Variants in NXPH1 observed in about 807,000 individuals in gnomAD.
NXPH1 encodes the protein neurexophilin 1, also known as neurexophilin-1.
A neutral mutation model predicts 23.7 loss-of-function variants in NXPH1; 5 were observed. The ratio of observed to expected loss-of-function variants is 0.21; its 90% CI spans 0.11 to 0.44. NXPH1 has a LOEUF of 0.44. Among genes scored for constraint, NXPH1 ranks in the 20% least tolerant of loss-of-function variants. NXPH1 has a pLI of 0.99. For synonymous variants in NXPH1, 144 were observed against 122.2 expected, an observed-to-expected ratio of 1.18 and a Z score of -1.18; for missense variants, 324 against 321.6, an observed-to-expected ratio of 1.01 and a Z score of -0.06.
intron 2 of NXPH1, among the ~76,000 whole-genome samples, chr7:8,437,889 C>T (rs1170470311): frequency 1.3e-5 from 2 of 152,196 alleles, no homozygotes; most frequent in Non-Finnish European, 2.9e-5. Context: ...CAAAACAATA[C>T]GAAATGTGAA....
intron 2 of NXPH1, among the ~76,000 whole-genome samples, chr7:8,654,095 C>A (rs546889350): frequency 1.3e-5 from 2 of 152,180 alleles, no homozygotes; most frequent in African/African-American, 2.4e-5. Context: ...AAATCTAAGA[C>A]TTCCATAACC....
At chr7:8,708,232 C>T (rs111331932) in intron 2 of NXPH1, among the ~76,000 whole-genome samples, 1 of 152,142 alleles carries the variant, frequency 6.6e-6, no homozygotes, top group Admixed American at 6.5e-5. Context: ...ATTCATTCAA[C>T]TGACATGAAG....
intron 2 of NXPH1, among the ~76,000 whole-genome samples, chr7:8,662,336 G>A (rs921922509): frequency 2.0e-5 from 3 of 151,940 alleles, no homozygotes; most frequent in African/African-American, 7.2e-5. Context: ...ATTCCCATAA[G>A]TAAGAAAAGT....
chr7:8,709,820 G>T (rs2115195513), intron 2 of NXPH1, among the ~76,000 whole-genome samples: 1 of 152,222 alleles, frequency 6.6e-6, no homozygotes, highest in African/African-American at 2.4e-5. Flanking sequence ...CATCAAATTT[G>T]TACTGTTAAA....
intron 2 of NXPH1, among the ~76,000 whole-genome samples, chr7:8,593,561 G>A (rs1819150291): frequency 6.6e-6 from 1 of 151,920 alleles, no homozygotes; most frequent in Non-Finnish European, 1.5e-5. Context: ...AATTGTGCCT[G>A]TGGGGTCAAT....
At chr7:8,689,507 G>C (rs1325652835) in intron 2 of NXPH1, among the ~76,000 whole-genome samples, 5 of 152,148 alleles carry the variant, frequency 3.3e-5, no homozygotes, top group African/African-American at 1.2e-4. Context: ...GGCCTGAAGG[G>C]GAGTGATAGG....
intron 2 of NXPH1, among the ~76,000 whole-genome samples, chr7:8,541,962 A>G (rs183090482): frequency 6.6e-6 from 1 of 151,624 alleles, no homozygotes; most frequent in Admixed American, 6.6e-5. Context: ...AACATTTAGA[A>G]AACTAATAGC....
intron 2 of NXPH1, among the ~76,000 whole-genome samples, chr7:8,543,596 G>A (rs1423241802): frequency 6.6e-6 from 1 of 151,600 alleles, no homozygotes; most frequent in Non-Finnish European, 1.5e-5. Context: ...AGATTCTGAT[G>A]TGATGATTTG....
intron 2 of NXPH1, 22 bp from the exon 3 acceptor site, chr7:8,750,986 C>A: frequency 6.2e-7 from 1 of 1,610,056 alleles, no homozygotes. Context: ...ATGTAAATGC[C>A]ATTTTTCTCT....
At chr7:8,731,071 C>G (rs576720011) in intron 2 of NXPH1, among the ~76,000 whole-genome samples, 1 of 150,512 alleles carries the variant, frequency 6.6e-6, no homozygotes, top group African/African-American at 2.5e-5. Context: ...AACTTCCCTT[C>G]TCGCTTCATT....
chr7:8,573,697 C>T (rs1490530505), intron 2 of NXPH1, among the ~76,000 whole-genome samples: 1 of 152,110 alleles, frequency 6.6e-6, no homozygotes, highest in Non-Finnish European at 1.5e-5. Flanking sequence ...TAGGAGAATG[C>T]CATGACTTTA....
chr7:8,733,969 G>A (rs1214207387), intron 2 of NXPH1, among the ~76,000 whole-genome samples: 1 of 152,046 alleles, frequency 6.6e-6, no homozygotes, highest in Non-Finnish European at 1.5e-5. Flanking sequence ...TGTCCTGAAT[G>A]GTATTGCCTA....
At chr7:8,689,311 A>T (rs1208149368) in intron 2 of NXPH1, among the ~76,000 whole-genome samples, 1 of 66,818 alleles carries the variant, frequency 1.5e-5, no homozygotes, top group Non-Finnish European at 3.1e-5. Flanking sequence ...TTCTATGCAG[A>T]TGAAGTGAAA....
At chr7:8,748,511 C>G (rs1780510137) in intron 2 of NXPH1, among the ~76,000 whole-genome samples, 1 of 152,220 alleles carries the variant, frequency 6.6e-6, no homozygotes, top group African/African-American at 2.4e-5. Flanking sequence ...ATACACGAGG[C>G]TGGTCCGTGT....
chr7:8,733,125 G>A (rs1562468683), intron 2 of NXPH1, among the ~76,000 whole-genome samples: 1 of 152,006 alleles, frequency 6.6e-6, no homozygotes. Flanking sequence ...GAGAACACGT[G>A]GTGTTTTGTT....
intron 2 of NXPH1, among the ~76,000 whole-genome samples, chr7:8,460,078 A>T (rs954791919): frequency 6.6e-6 from 1 of 152,188 alleles, no homozygotes; most frequent in African/African-American, 2.4e-5. Context: ...TCAAAAGCTT[A>T]TTTTTATACA....
chr7:8,451,882 C>T (rs1816512836), intron 2 of NXPH1, among the ~76,000 whole-genome samples: 1 of 152,182 alleles, frequency 6.6e-6, no homozygotes, highest in Admixed American at 6.5e-5. Flanking sequence ...ATGATCCTTT[C>T]CCCATTAGGC....
intron 2 of NXPH1, among the ~76,000 whole-genome samples, chr7:8,624,140 A>G (rs1451894648): frequency 6.6e-6 from 1 of 152,148 alleles, no homozygotes; most frequent in African/African-American, 2.4e-5. Flanking sequence ...AATTGGTAGC[A>G]CAGGGTGAGT....
intron 2 of NXPH1, among the ~76,000 whole-genome samples, chr7:8,580,963 A>G (rs1226779300): frequency 6.6e-6 from 1 of 152,088 alleles, no homozygotes; most frequent in Non-Finnish European, 1.5e-5. Context: ...CTAGTCCTCT[A>G]GTGTTTCTGA....
Sources: allele counts gnomAD v4.1 joint callset (sites outside exome capture counted in the v4.1 genomes callset), GRCh38; gene constraint gnomAD v4.1.1; transcripts MANE v1.5; gene names NCBI Gene and HGNC (gene_info 2026-07-23, HGNC 2026-07-21).